Variants in ERG observed in about 807,000 individuals in gnomAD.
ERG encodes ETS transcription factor ERG.
ERG carries 9 observed loss-of-function variants against 55.3 expected under a neutral mutation model. The observed-to-expected ratio is 0.16, with a 90% CI of 0.10 to 0.28. ERG has a LOEUF of 0.28. ERG is among the 10% of genes least tolerant of loss of function. The pLI is 1.00. For missense variants in ERG, 434 were observed against 631.6 expected (o/e 0.69, Z 3.35); for synonymous variants, 223 against 237.3 (o/e 0.94, Z 0.55).
At chr21:38,573,641 T>C (rs568470911) in intron 2 of ERG, among the ~76,000 whole-genome samples, 199 of 152,314 alleles carry the variant, frequency 1.3e-3, no homozygotes, top group African/African-American at 4.4e-3. Context: ...GACCTTCTCC[T>C]TATTATCACC....
chr21:38,592,331 A>G (rs1008154679), intron 1 of ERG, among the ~76,000 whole-genome samples: 1 of 152,212 alleles, frequency 6.6e-6, no homozygotes, highest in Admixed American at 6.5e-5. Flanking sequence ...AGAGAGACCA[A>G]GAAGCCTGGA....
At chr21:38,614,609 G>A (rs2060248121) in intron 1 of ERG, among the ~76,000 whole-genome samples, 1 of 152,194 alleles carries the variant, frequency 6.6e-6, no homozygotes, top group South Asian at 2.1e-4. Context: ...GAAACTACCT[G>A]CAAAGGTGGC....
At chr21:38,634,890 G>A (rs573686144) in intron 1 of ERG, among the ~76,000 whole-genome samples, 1 of 152,242 alleles carries the variant, frequency 6.6e-6, no homozygotes, top group South Asian at 2.1e-4. Context: ...GCTAAAACTT[G>A]GAAGCAACCA....
chr21:38,476,583 T>C (rs1380757284), intron 1 of ERG, among the ~76,000 whole-genome samples: 2 of 152,192 alleles, frequency 1.3e-5, no homozygotes, highest in Non-Finnish European at 2.9e-5. Flanking sequence ...ATTAGTCTTG[T>C]AACGAGTGTT....
Position 38,498,474 on chromosome 21 carries a change from G to C in ERG, c.-94C>G. 11 of 1,541,586 alleles carry C rather than the reference G, an allele frequency of 7.1e-6. No homozygotes were observed. Among genetic ancestry groups the C allele is most frequent in the Non-Finnish European group, 9.6e-6 (11 of 1,145,768 alleles). ...TAGTTTTGATGAGGTTGTTTAGAGC[G>C]GATGAGATTGTGCTAAGTCTGGGAA... is the stretch of plus-strand genomic sequence containing the variant. On this transcript the variant is annotated 5_prime_UTR_variant, in exon 1 of 10. Transcript: ENST00000288319. The surrounding 1 kb of genome is among the most constrained non-coding windows in gnomAD (Gnocchi z 4.6).
chr21:38,531,474 C>T (rs1298381347), intron 2 of ERG, among the ~76,000 whole-genome samples: 1 of 152,082 alleles, frequency 6.6e-6, no homozygotes, highest in Non-Finnish European at 1.5e-5. Flanking sequence ...GCCATTCCTA[C>T]TTCTCAGACT....
rs567254521 is a variant in ERG at position 38,525,273 on chromosome 21, C to T, written c.-41+50389G>A. On this transcript the variant is annotated intron_variant, in intron 2 of 8. Transcript: ENST00000398897. ...CACATCTTCCCCGCGCCCCTCCTGCCACCTCTTTTTGGCATTCACCCTCTC... is the reference window on the plus strand; with the variant it reads ...CACATCTTCCCCGCGCCCCTCCTGCTACCTCTTTTTGGCATTCACCCTCTC... Among the ~76,000 whole-genome samples the T allele has an allele frequency of 6.7e-4, 102 of 152,244 alleles. 1 individual carries two copies. The highest frequency in any genetic ancestry group is 2.4e-3 in the African/African-American group (100 of 41,538).
In ERG at chr21:38,469,205, G is replaced by A. The variant is rs145818272; in HGVS notation, c.19-23584C>T. Among the ~76,000 whole-genome samples, 254 of 152,178 alleles carry A rather than the reference G, an allele frequency of 1.7e-3. 2 individuals are homozygous for A. Among genetic ancestry groups the A allele is most frequent in the Middle Eastern group, 0.014 (4 of 294 alleles). On this transcript the variant is annotated intron_variant, in intron 1 of 9. Transcript: ENST00000288319. ...ATGCTAAAGTCCAGCCTCATCCTCA[G>A]AACTCTGGGCATGCTTGTTTTTAAT...
intron 1 of ERG, among the ~76,000 whole-genome samples, chr21:38,582,228 C>T (rs2060034414): frequency 1.3e-5 from 2 of 152,056 alleles, no homozygotes; most frequent in East Asian, 1.9e-4. Flanking sequence ...TTGTGGGAAC[C>T]CCCAATGTTG....
intron 2 of ERG, among the ~76,000 whole-genome samples, chr21:38,442,310 C>T (rs765462930): frequency 2.0e-5 from 3 of 151,720 alleles, no homozygotes; most frequent in Non-Finnish European, 4.4e-5. Context: ...AGGGGAGTCG[C>T]TTGAACCCCG....
upstream of ERG, among the ~76,000 whole-genome samples, chr21:38,585,532 C>CCTTTTTTTTTTTTTTTTT (rs2060057615): frequency 1.7e-5 from 1 of 59,270 alleles, no homozygotes; most frequent in African/African-American, 5.6e-5. Flanking sequence ...TCTCTCTCTT[C>CCTTTTTTTTTTTTTTTTT]TTTTTTTTTT....
chr21:38,404,609 G>A (rs545128613), intron 3 of ERG, among the ~76,000 whole-genome samples: 2 of 152,292 alleles, frequency 1.3e-5, no homozygotes, highest in South Asian at 2.1e-4. Context: ...AGAGACACAT[G>A]GGCAGGGAGT....
intron 2 of ERG, among the ~76,000 whole-genome samples, chr21:38,573,419 A>G (rs573946609): frequency 6.6e-6 from 1 of 152,332 alleles, no homozygotes; most frequent in East Asian, 1.9e-4. Flanking sequence ...ATAAAACCCA[A>G]TTGTACATTT....
intron 2 of ERG, among the ~76,000 whole-genome samples, chr21:38,436,093 C>T (rs1990433539): frequency 6.8e-6 from 1 of 146,004 alleles, no homozygotes; most frequent in African/African-American, 2.5e-5. Flanking sequence ...GATCTCAGCT[C>T]ACTGCAACCT....
At chr21:38,593,737 A>G (rs2060115065) in intron 1 of ERG, among the ~76,000 whole-genome samples, 1 of 152,218 alleles carries the variant, frequency 6.6e-6, no homozygotes, top group African/African-American at 2.4e-5. Flanking sequence ...TAGATAAAGC[A>G]AAACTCCCAA....
intron 1 of ERG, among the ~76,000 whole-genome samples, chr21:38,601,406 GTC>G (rs1267597321): frequency 6.6e-6 from 1 of 151,820 alleles, no homozygotes; most frequent in Non-Finnish European, 1.5e-5. Flanking sequence ...CCATATTATT[GTC>G]ATAGACATGC....
chr21:38,547,602 T>G, intron 2 of ERG, among the ~76,000 whole-genome samples: 1 of 152,224 alleles, frequency 6.6e-6, no homozygotes, highest in East Asian at 1.9e-4. Flanking sequence ...AGTGCTAAAA[T>G]TCCACTTCAA....
chr21:38,402,025 T>C (rs1008385170), intron 5 of ERG, among the ~76,000 whole-genome samples: 2 of 152,158 alleles, frequency 1.3e-5, no homozygotes, highest in Non-Finnish European at 2.9e-5. Context: ...GCTCTCAAAA[T>C]GTTACAGAAA....
At chr21:38,557,686 T>C (rs1396069801) in intron 2 of ERG, among the ~76,000 whole-genome samples, 2 of 152,302 alleles carry the variant, frequency 1.3e-5, no homozygotes, top group East Asian at 3.9e-4. Context: ...TAAAACCTCT[T>C]AAAGGTAAAG....
Sources: allele counts gnomAD v4.1 joint callset (sites outside exome capture counted in the v4.1 genomes callset), GRCh38; gene constraint gnomAD v4.1.1; non-coding constraint Gnocchi (gnomAD v3.1); transcripts MANE v1.5; gene names NCBI Gene and HGNC (gene_info 2026-07-23, HGNC 2026-07-21).